TMEM132C: variants seen among roughly 807,000 people sequenced by gnomAD.
TMEM132C encodes transmembrane protein 132C, also known as protein phosphatase 1, regulatory subunit 152.
Under a neutral mutation model 61.4 loss-of-function variants are expected in TMEM132C, and 29 were observed. That is an observed-to-expected ratio of 0.47 (90% CI 0.35 to 0.64). TMEM132C has a LOEUF of 0.64. Ranked by LOEUF, TMEM132C falls within the 30% of genes least tolerant of loss-of-function variation. TMEM132C has a pLI of 0.00. For synonymous variants in TMEM132C, 656 were observed against 633.1 expected (o/e 1.04, Z -0.54); for missense variants, 1,408 against 1,476.9 (o/e 0.95, Z 0.76).
chr12:128,637,530 A>G (rs1258208322), intron 4 of TMEM132C, among the ~76,000 whole-genome samples: 1 of 152,174 alleles, frequency 6.6e-6, no homozygotes, highest in Non-Finnish European at 1.5e-5. Flanking sequence ...ATTTACCACA[A>G]TCTTTTCTAA....
At chr12:128,640,902 C>T (rs1180023138) in intron 4 of TMEM132C, among the ~76,000 whole-genome samples, 1 of 152,156 alleles carries the variant, frequency 6.6e-6, no homozygotes, top group Admixed American at 6.5e-5. Flanking sequence ...CACACGCACA[C>T]ACACACAGTG....
intron 1 of TMEM132C, among the ~76,000 whole-genome samples, chr12:128,314,875 A>G (rs1872094187): frequency 6.6e-6 from 1 of 152,210 alleles, no homozygotes; most frequent in Admixed American, 6.5e-5. Context: ...GCCCTTTGTT[A>G]GGCAGCTACA....
chr12:128,428,637 A>G (rs758891878), intron 2 of TMEM132C, among the ~76,000 whole-genome samples: 1 of 152,074 alleles, frequency 6.6e-6, no homozygotes. Context: ...TGGAAAAGAG[A>G]AAATCGGGGT....
At chr12:128,420,806 G>T (rs1393238702) in intron 2 of TMEM132C, among the ~76,000 whole-genome samples, 2 of 152,176 alleles carry the variant, frequency 1.3e-5, no homozygotes, top group African/African-American at 4.8e-5. Context: ...TGGAAAGCCT[G>T]TGGGAGAGGC....
At chr12:128,533,186 C>G (rs1174776574) in intron 2 of TMEM132C, among the ~76,000 whole-genome samples, 1 of 152,132 alleles carries the variant, frequency 6.6e-6, no homozygotes, top group African/African-American at 2.4e-5. Flanking sequence ...TGCGCAATGC[C>G]CAGGGTAGAG....
intron 4 of TMEM132C, among the ~76,000 whole-genome samples, chr12:128,668,703 G>T (rs1462063978): frequency 1.3e-5 from 2 of 152,122 alleles, no homozygotes; most frequent in Admixed American, 6.5e-5. Context: ...CTAAAGTTAA[G>T]ATGTTGGCAG....
chr12:128,347,120 CT>C (rs987029966), intron 1 of TMEM132C, among the ~76,000 whole-genome samples: 5 of 152,118 alleles, frequency 3.3e-5, no homozygotes, highest in Non-Finnish European at 7.4e-5. Flanking sequence ...TTATATCCTT[CT>C]TATGTCCTGG....
chr12:128,291,119 G>C (rs1871234023), intron 1 of TMEM132C, among the ~76,000 whole-genome samples: 1 of 152,184 alleles, frequency 6.6e-6, no homozygotes, highest in Non-Finnish European at 1.5e-5. Flanking sequence ...GAGCAGCACA[G>C]GAATCCCCAA....
intron 1 of TMEM132C, among the ~76,000 whole-genome samples, chr12:128,344,162 T>A (rs1218314466): frequency 6.6e-6 from 1 of 152,220 alleles, no homozygotes; most frequent in Non-Finnish European, 1.5e-5. Context: ...TTTCTTTTTA[T>A]TTTTTTATTT....
chr12:128,682,988 G>A (rs754292374), intron 5 of TMEM132C, among the ~76,000 whole-genome samples: 3 of 152,134 alleles, frequency 2.0e-5, no homozygotes, highest in Non-Finnish European at 4.4e-5. Context: ...TCCTCCCTGT[G>A]CGTCTGCCTC....
intron 2 of TMEM132C, among the ~76,000 whole-genome samples, chr12:128,447,432 T>A (rs1870020113): frequency 6.6e-6 from 1 of 152,198 alleles, no homozygotes; most frequent in African/African-American, 2.4e-5. Flanking sequence ...CAAATGTTTA[T>A]GAAAGAAAAG....
At chr12:128,679,473 T>A (rs1396491827) in intron 5 of TMEM132C, among the ~76,000 whole-genome samples, 1 of 152,228 alleles carries the variant, frequency 6.6e-6, no homozygotes, top group Non-Finnish European at 1.5e-5. Context: ...TGGCTCTGTG[T>A]GTCTCATTTT....
chr12:128,344,171 T>A (rs1219940148), intron 1 of TMEM132C, among the ~76,000 whole-genome samples: 1 of 152,228 alleles, frequency 6.6e-6, no homozygotes, highest in Non-Finnish European at 1.5e-5. Context: ...ATTTTTTTAT[T>A]TTTTGAGACG....
rs1400724620 is a variant in TMEM132C at position 128,665,352 on chromosome 12, GAC to G, written c.1306-4059_1306-4058del. ...AGGCACATGTACCCATGTGCACACA[GAC>G]ACACATACACAAACACAGGTGCACA... is the stretch of plus-strand genomic sequence containing the variant. On this transcript the variant is annotated intron_variant, in intron 4 of 8. Coordinates refer to ENST00000435159, the MANE Select transcript of TMEM132C (RefSeq NM_001136103.3). Among the ~76,000 whole-genome samples the G allele has an allele frequency of 9.7e-5, 12 of 123,152 alleles. 1 individual carries two copies. The highest frequency in any genetic ancestry group is 2.0e-4 in the Non-Finnish European group (12 of 58,656). 80.8% of individuals were successfully genotyped at this position (123,152 alleles called of 152,430 possible).
At chr12:128,320,612 A>T (rs114479264) in intron 1 of TMEM132C, among the ~76,000 whole-genome samples, 257 of 152,190 alleles carry the variant, frequency 1.7e-3, no homozygotes, top group African/African-American at 5.9e-3. Context: ...CAAAAAAATT[A>T]AAAAATATTA....
intron 1 of TMEM132C, among the ~76,000 whole-genome samples, chr12:128,325,686 C>T (rs1052601023): frequency 5.3e-5 from 8 of 152,150 alleles, no homozygotes; most frequent in African/African-American, 1.4e-4. Flanking sequence ...ATCGCTTGGC[C>T]ATGACTTGCT....
chr12:128,273,802 T>G (rs1870596375), intron 1 of TMEM132C, among the ~76,000 whole-genome samples: 1 of 152,206 alleles, frequency 6.6e-6, no homozygotes. Context: ...TATAAGAAAT[T>G]TACAACAGTA....
intron 2 of TMEM132C, among the ~76,000 whole-genome samples, chr12:128,524,855 C>G (rs917115214): frequency 6.6e-6 from 1 of 152,212 alleles, no homozygotes; most frequent in African/African-American, 2.4e-5. Context: ...ATGATCTTCC[C>G]TGATGCCTGC....
At chr12:128,538,947 GTTC>G (rs1244598163) in intron 2 of TMEM132C, among the ~76,000 whole-genome samples, 2 of 151,974 alleles carry the variant, frequency 1.3e-5, no homozygotes, top group African/African-American at 2.4e-5. Flanking sequence ...TGCATAATGA[GTTC>G]TTATCTTCAG....
Sources: gnomAD v4.1 joint callset for allele counts (sites outside exome capture counted in the v4.1 genomes callset) on GRCh38, gnomAD v4.1.1 for gene constraint, MANE v1.5 for transcripts, NCBI Gene and HGNC (gene_info 2026-07-23, HGNC 2026-07-21) for gene names.